The following RBFOX3 variants were observed in gnomAD, a reference collection of about 807,000 sequenced individuals.
The protein encoded by RBFOX3 is RNA binding protein fox-1 homolog 3.
RBFOX3 carries 17 observed loss-of-function variants against 48.7 expected under a neutral mutation model. That is an observed-to-expected ratio of 0.35 (90% CI 0.24 to 0.52). The LOEUF (loss-of-function observed/expected upper bound fraction) is 0.52, where lower values mean the gene tolerates loss of function less well. Among genes scored for constraint, RBFOX3 ranks in the 20% least tolerant of loss-of-function variants. The pLI, the probability that RBFOX3 is intolerant of heterozygous loss-of-function variation, is 0.94. For synonymous variants in RBFOX3, 212 were observed against 209.5 expected (o/e 1.01, Z -0.10); for missense variants, 382 against 497.5 (o/e 0.77, Z 2.21).
intron 1 of RBFOX3, among the ~76,000 whole-genome samples, chr17:79,517,249 C>T (rs2149942116): frequency 6.6e-6 from 1 of 151,988 alleles, no homozygotes; most frequent in South Asian, 2.1e-4. Flanking sequence ...AGTTTAAGAC[C>T]AGCCTGACCG....
intron 1 of RBFOX3, among the ~76,000 whole-genome samples, chr17:79,570,516 T>A (rs2092636494): frequency 6.6e-6 from 1 of 152,204 alleles, no homozygotes; most frequent in Non-Finnish European, 1.5e-5. Flanking sequence ...CCCTTCCCCC[T>A]ACTGACTGGC....
chr17:79,463,438 C>G (rs1279988359), intron 2 of RBFOX3, among the ~76,000 whole-genome samples: 3 of 140,416 alleles, frequency 2.1e-5, no homozygotes. Flanking sequence ...CCACCGCCAT[C>G]GCCACTGCCA....
upstream of RBFOX3, among the ~76,000 whole-genome samples, chr17:79,612,591 C>T (rs1166652420): frequency 2.0e-5 from 3 of 152,300 alleles, no homozygotes; most frequent in South Asian, 4.1e-4. Flanking sequence ...CTGTCTTGGC[C>T]GGTGGGAATC....
At chr17:79,289,308 A>G (rs2072748164) in intron 3 of RBFOX3, among the ~76,000 whole-genome samples, 1 of 152,222 alleles carries the variant, frequency 6.6e-6, no homozygotes, top group South Asian at 2.1e-4. Context: ...GGAAGGTTAG[A>G]GTATTCTCCA....
chr17:79,385,698 G>T (rs1478351101), intron 2 of RBFOX3, among the ~76,000 whole-genome samples: 1 of 152,152 alleles, frequency 6.6e-6, no homozygotes, highest in Non-Finnish European at 1.5e-5. Context: ...TGACAGACGG[G>T]CTCCATCAGC....
At chr17:79,465,041 C>T (rs2076129735) in intron 2 of RBFOX3, among the ~76,000 whole-genome samples, 1 of 152,242 alleles carries the variant, frequency 6.6e-6, no homozygotes. Flanking sequence ...TTTATGAGCT[C>T]AGCCTTCCGA....
chr17:79,455,829 C>A (rs1555744560), intron 2 of RBFOX3, among the ~76,000 whole-genome samples: 1 of 152,210 alleles, frequency 6.6e-6, no homozygotes, highest in East Asian at 1.9e-4. Flanking sequence ...ACCCTTGACA[C>A]CTGCAGCGGC....
chr17:79,647,757 C>T, the RBFOX3 span, among the ~76,000 whole-genome samples: 4 of 152,160 alleles, frequency 2.6e-5, no homozygotes, highest in East Asian at 1.9e-4. Context: ...CCACCTGACC[C>T]CTGCCTCCTC....
intron 2 of RBFOX3, among the ~76,000 whole-genome samples, chr17:79,337,495 G>A (rs929925691): frequency 1.3e-5 from 2 of 152,216 alleles, no homozygotes; most frequent in Middle Eastern, 3.2e-3. Flanking sequence ...ATGCAGTTGC[G>A]CCGGGCACGG....
chr17:79,137,091 G>C (rs556989776), intron 4 of RBFOX3, among the ~76,000 whole-genome samples: 1 of 152,134 alleles, frequency 6.6e-6, no homozygotes, highest in South Asian at 2.1e-4. Context: ...AGGCACCCCT[G>C]TTTGGGTTCT....
intron 3 of RBFOX3, among the ~76,000 whole-genome samples, chr17:79,257,264 G>T (rs889337432): frequency 3.9e-5 from 6 of 152,228 alleles, no homozygotes; most frequent in African/African-American, 1.4e-4. Flanking sequence ...GCCCCGGGAG[G>T]TTTGTGCGGT....
At chr17:79,654,169 T>C in the RBFOX3 span, among the ~76,000 whole-genome samples, 1 of 152,322 alleles carries the variant, frequency 6.6e-6, no homozygotes. Flanking sequence ...TCCAAGCCAC[T>C]CATTCATTGC....
chr17:79,261,702 G>A (rs368993958), intron 3 of RBFOX3, among the ~76,000 whole-genome samples: 63 of 152,304 alleles, frequency 4.1e-4, no homozygotes, highest in African/African-American at 7.9e-4. Context: ...GCGGGTGGGC[G>A]GCAGGACCCT....
chr17:79,443,801 C>G lies in RBFOX3; in HGVS notation c.-175+38653G>C, dbSNP rs907628624. On this transcript the variant is annotated intron_variant, in intron 2 of 14. Coordinates refer to ENST00000693108, the MANE Select transcript of RBFOX3 (RefSeq NM_001350451.2). The surrounding 1 kb of genome is among the most constrained non-coding windows in gnomAD (Gnocchi z 4.4). ...CCACTGCCTCCCTCGGCCCCCGACCCTTTATTTGCTGAGCCCCAGAGTGAC... is the reference window on the plus strand; with the variant it reads ...CCACTGCCTCCCTCGGCCCCCGACCGTTTATTTGCTGAGCCCCAGAGTGAC... Among the ~76,000 whole-genome samples, 33 of 152,184 alleles carry G rather than the reference C, an allele frequency of 2.2e-4. No individual in the cohort carries two copies. Among genetic ancestry groups the G allele is most frequent in the Non-Finnish European group, 4.0e-4 (27 of 68,024 alleles).
At chr17:79,524,179 C>T (rs1418287952) in intron 1 of RBFOX3, among the ~76,000 whole-genome samples, 3 of 152,198 alleles carry the variant, frequency 2.0e-5, no homozygotes, top group African/African-American at 7.2e-5. Context: ...AATAATCCTG[C>T]TCCCCATTTG....
chr17:79,379,701 G>A (rs1370784694), intron 2 of RBFOX3, among the ~76,000 whole-genome samples: 2 of 152,116 alleles, frequency 1.3e-5, no homozygotes, highest in African/African-American at 2.4e-5. Flanking sequence ...CTCAGCCCCC[G>A]CAAATCCCGG....
At chr17:79,455,626 C>T (rs868957159) in intron 2 of RBFOX3, among the ~76,000 whole-genome samples, 4 of 152,166 alleles carry the variant, frequency 2.6e-5, no homozygotes, top group East Asian at 1.9e-4. Flanking sequence ...CATGCGCACA[C>T]GTTCAGAGGA....
chr17:79,544,007 G>A (rs545976003), intron 1 of RBFOX3, among the ~76,000 whole-genome samples: 5 of 152,300 alleles, frequency 3.3e-5, no homozygotes, highest in African/African-American at 1.2e-4. Context: ...TAGGAACAGA[G>A]GGGCTTAAAC....
chr17:79,224,444 C>A (rs752637490), intron 4 of RBFOX3, among the ~76,000 whole-genome samples: 42 of 152,230 alleles, frequency 2.8e-4, no homozygotes, highest in Admixed American at 2.0e-4. Context: ...GGGCACACAG[C>A]GCTGGTCCCT....
Sources: allele counts gnomAD v4.1 joint callset (sites outside exome capture counted in the v4.1 genomes callset), GRCh38; gene constraint gnomAD v4.1.1; non-coding constraint Gnocchi (gnomAD v3.1); transcripts MANE v1.5; gene names NCBI Gene and HGNC (gene_info 2026-07-23, HGNC 2026-07-21).